SACM1L: variants seen among roughly 807,000 people sequenced by gnomAD.
The protein encoded by SACM1L is SAC1 like phosphatidylinositide phosphatase.
In SACM1L, 32 loss-of-function variants were observed where a neutral mutation model predicts 89.5. The observed-to-expected ratio is 0.36, with a 90% CI of 0.27 to 0.48. The LOEUF (loss-of-function observed/expected upper bound fraction) is 0.48, where lower values mean the gene tolerates loss of function less well. Ranked by LOEUF, SACM1L falls within the 20% of genes least tolerant of loss-of-function variation. The pLI, the probability that SACM1L is intolerant of heterozygous loss-of-function variation, is 0.99. For synonymous variants in SACM1L, 213 were observed against 232.8 expected (o/e 0.92, Z 0.77); for missense variants, 543 against 708.5 (o/e 0.77, Z 2.65).
intron 1 of SACM1L, among the ~76,000 whole-genome samples, chr3:45,698,637 G>A (rs949396736): frequency 1.3e-5 from 2 of 151,958 alleles, no homozygotes; most frequent in Non-Finnish European, 2.9e-5. Context: ...TGCAACCTCC[G>A]CCTCCCAGGT....
intron 5 of SACM1L, among the ~76,000 whole-genome samples, chr3:45,711,721 G>T (rs1698536478): frequency 6.6e-6 from 1 of 152,142 alleles, no homozygotes; most frequent in South Asian, 2.1e-4. Flanking sequence ...ATTGGTCAAT[G>T]TTTTTATGTA....
intron 19 of SACM1L, among the ~76,000 whole-genome samples, chr3:45,741,110 T>C (rs1026428519): frequency 6.6e-6 from 1 of 152,244 alleles, no homozygotes; most frequent in African/African-American, 2.4e-5. Flanking sequence ...GATGCAATCC[T>C]AGTCACTCTG....
At chr3:45,713,861 A>G (rs1295680415) in intron 6 of SACM1L, 185 bp from the exon 7 acceptor site, 3 of 323,094 alleles carry the variant, frequency 9.3e-6, no homozygotes, top group African/African-American at 4.3e-5. Context: ...ATCTGTGAAT[A>G]TTCAAGCTCA....
chr3:45,730,824 C>A (rs1219443910), intron 11 of SACM1L, among the ~76,000 whole-genome samples: 8 of 152,190 alleles, frequency 5.3e-5, no homozygotes, highest in Non-Finnish European at 8.8e-5. Flanking sequence ...GGTTTATGTT[C>A]CTCTTGTAGC....
chr3:45,738,559 A>AT lies in SACM1L; in HGVS notation c.1383-16dup. On this transcript the variant is annotated intron_variant, in intron 16 of 19. Transcript: ENST00000389061. ...TCAGTGTACAAACCTGTAACTTAAA[A>AT]TTTAACCTCTTTAACCAGAACTGGA... 1 of 1,520,372 alleles carries AT rather than the reference A, an allele frequency of 6.6e-7. No homozygotes were observed. The highest frequency in any genetic ancestry group is 1.4e-5 in the African/African-American group (1 of 72,930). 94.2% of individuals were successfully genotyped at this position (1,520,372 alleles called of 1,614,324 possible).
chr3:45,705,422 T>C (rs1300852258), intron 3 of SACM1L, among the ~76,000 whole-genome samples: 1 of 152,108 alleles, frequency 6.6e-6, no homozygotes, highest in Non-Finnish European at 1.5e-5. Flanking sequence ...AAAAAAGTTT[T>C]GTATTTTGTT....
intron 5 of SACM1L, among the ~76,000 whole-genome samples, chr3:45,711,915 A>G (rs1323764650): frequency 3.9e-5 from 6 of 152,030 alleles, no homozygotes. Context: ...TGCCACTCCC[A>G]CTCCAAATTC....
At chr3:45,714,919 T>C (rs905104852) in intron 7 of SACM1L, among the ~76,000 whole-genome samples, 1 of 152,194 alleles carries the variant, frequency 6.6e-6, no homozygotes, top group African/African-American at 2.4e-5. Context: ...AGACCACATA[T>C]ATGAAGGTGG....
At chr3:45,711,597 G>T (rs922041165) in intron 5 of SACM1L, among the ~76,000 whole-genome samples, 2 of 151,896 alleles carry the variant, frequency 1.3e-5, no homozygotes, top group African/African-American at 2.4e-5. Flanking sequence ...TCCAGCCAAG[G>T]CAACAGCAAG....
At position 45,718,006 on chromosome 3, in the gene SACM1L, A is replaced by G. The variant is rs113478126; in HGVS notation, c.578-1494A>G. On this transcript the variant is annotated intron_variant, in intron 7 of 19. Transcript: ENST00000389061. ...AAGCCAAAGTAATTCTTGAAGCAATATGGAATTTCCTAATAAGATCAGATG... is the reference window on the plus strand; with the variant it reads ...AAGCCAAAGTAATTCTTGAAGCAATGTGGAATTTCCTAATAAGATCAGATG... 4.6e-3 allele frequency among the ~76,000 whole-genome samples: 703 copies of G among 152,376 alleles called. 5 individuals are homozygous for G. The highest frequency in any genetic ancestry group is 0.016 in the African/African-American group (664 of 41,594).
chr3:45,708,775 G>A (rs1039339009), intron 4 of SACM1L, among the ~76,000 whole-genome samples: 5 of 152,138 alleles, frequency 3.3e-5, no homozygotes, highest in African/African-American at 4.8e-5. Context: ...TTTTGTATAT[G>A]TAGATTTGTA....
intron 13 of SACM1L, among the ~76,000 whole-genome samples, chr3:45,733,536 A>G (rs981447543): frequency 1.8e-4 from 28 of 152,142 alleles, no homozygotes; most frequent in African/African-American, 6.5e-4. Flanking sequence ...GAACCTTACC[A>G]ATTCTGCATG....
chr3:45,731,283 G>A lies in SACM1L; in HGVS notation c.922-18G>A, dbSNP rs759780217. On this transcript the variant is annotated intron_variant, in intron 11 of 19. Transcript: ENST00000389061. ...TTTGAAATAAACTGGAAACTATGGT[G>A]TTTGAAATTTTTTACAGATTAACCA... 1 of 1,581,322 alleles carries A rather than the reference G, an allele frequency of 6.3e-7. No homozygotes were observed. Among genetic ancestry groups the A allele is most frequent in the East Asian group, 2.3e-5 (1 of 44,418 alleles).
chr3:45,709,704 G>C, intron 5 of SACM1L, 57 bp downstream of exon 5: 1 of 1,444,528 alleles, frequency 6.9e-7, no homozygotes, highest in Non-Finnish European at 9.4e-7. Flanking sequence ...ACATGTCTCT[G>C]TTTCATGCAT....
At chr3:45,706,293 T>G (rs1440768359) in intron 3 of SACM1L, among the ~76,000 whole-genome samples, 1 of 152,190 alleles carries the variant, frequency 6.6e-6, no homozygotes, top group African/African-American at 2.4e-5. Flanking sequence ...CCTTGTAATA[T>G]TGCAGCAGCC....
intron 4 of SACM1L, among the ~76,000 whole-genome samples, chr3:45,707,821 G>A (rs1038437304): frequency 6.6e-6 from 1 of 152,108 alleles, no homozygotes. Context: ...GTTCACCAGG[G>A]ATAGAAGAAA....
At chr3:45,694,521 A>G (rs962720099) in intron 1 of SACM1L, among the ~76,000 whole-genome samples, 2 of 152,206 alleles carry the variant, frequency 1.3e-5, no homozygotes, top group African/African-American at 2.4e-5. Flanking sequence ...TTTGTATCCA[A>G]AGCATTAGTT....
chr3:45,720,487 A>G (rs894021523), intron 8 of SACM1L, among the ~76,000 whole-genome samples: 1 of 152,128 alleles, frequency 6.6e-6, no homozygotes, highest in South Asian at 2.1e-4. Flanking sequence ...ATCCTTCCAG[A>G]TAATTTTTAT....
chr3:45,698,829 T>A (rs577717858), intron 1 of SACM1L, among the ~76,000 whole-genome samples: 1 of 152,038 alleles, frequency 6.6e-6, no homozygotes, highest in South Asian at 2.1e-4. Flanking sequence ...TGCAGTGGCG[T>A]GATCTCAGCT....
Sources: gnomAD v4.1 joint callset for allele counts (sites outside exome capture counted in the v4.1 genomes callset) on GRCh38, gnomAD v4.1.1 for gene constraint, MANE v1.5 for transcripts, NCBI Gene and HGNC (gene_info 2026-07-23, HGNC 2026-07-21) for gene names.